ATP13A4: variants seen among roughly 807,000 people sequenced by gnomAD.
ATP13A4 encodes probable cation-transporting ATPase 13A4.
Under a neutral mutation model 142.5 loss-of-function variants are expected in ATP13A4, and 114 were observed. The observed-to-expected ratio is 0.80, with a 90% CI of 0.69 to 0.93. The LOEUF is 0.93. Ranked by LOEUF, ATP13A4 falls within the 40% of genes least tolerant of loss-of-function variation. The pLI is 0.00. For missense variants in ATP13A4, 1,392 were observed against 1,454.0 expected (o/e 0.96, Z 0.69); for synonymous variants, 488 against 514.8 (o/e 0.95, Z 0.70).
At chr3:193,488,502 T>C (rs1265415173) in intron 7 of ATP13A4, among the ~76,000 whole-genome samples, 2 of 152,200 alleles carry the variant, frequency 1.3e-5, no homozygotes, top group African/African-American at 4.8e-5. Flanking sequence ...ATCATAGCCA[T>C]ATATTGCCCT....
In ATP13A4 at chr3:193,573,292, CAT is replaced by C. The variant is rs1318036721; in HGVS notation, n.291+8413_291+8414del. On this transcript the variant is annotated intron_variant and non_coding_transcript_variant, in intron 2 of 3. Transcript: ENST00000489140. ...ATATATATACATATATATATATACA[CAT>C]ATATATATATATACATATATATATA... 2.1e-3 allele frequency among the ~76,000 whole-genome samples: 223 copies of C among 107,838 alleles called. 11 individuals are homozygous for C. Among genetic ancestry groups the C allele is most frequent in the African/African-American group, 6.5e-3 (141 of 21,742 alleles). 70.7% of individuals were successfully genotyped at this position (107,838 alleles called of 152,430 possible).
At chr3:193,530,849 G>A (rs1360076865) in intron 1 of ATP13A4, among the ~76,000 whole-genome samples, 1 of 152,062 alleles carries the variant, frequency 6.6e-6, no homozygotes, top group East Asian at 1.9e-4. Context: ...AGCACATAAA[G>A]TTCTTCCTAA....
intron 1 of ATP13A4, among the ~76,000 whole-genome samples, chr3:193,536,642 G>C (rs1425163496): frequency 6.6e-6 from 1 of 151,866 alleles, no homozygotes; most frequent in Non-Finnish European, 1.5e-5. Flanking sequence ...TTTGTAACTA[G>C]ATAAGAAAAG....
intron 8 of ATP13A4, among the ~76,000 whole-genome samples, chr3:193,481,799 T>C (rs1335366041): frequency 4.6e-5 from 7 of 152,188 alleles, no homozygotes; most frequent in Non-Finnish European, 1.5e-5. Flanking sequence ...TGACCATTGT[T>C]TATGTTATTG....
intron 9 of ATP13A4, among the ~76,000 whole-genome samples, chr3:193,469,151 C>T (rs1718471592): frequency 6.6e-6 from 1 of 152,150 alleles, no homozygotes; most frequent in African/African-American, 2.4e-5. Context: ...TAGCCATGAG[C>T]AGCACCAACA....
intron 11 of ATP13A4, among the ~76,000 whole-genome samples, chr3:193,465,616 T>C (rs1018454716): frequency 6.6e-6 from 1 of 152,224 alleles, no homozygotes; most frequent in African/African-American, 2.4e-5. Flanking sequence ...GTGATTTATA[T>C]TGTTACCAGC....
In ATP13A4 at chr3:193,414,561, C is replaced by T; in HGVS notation, c.3014+18G>A. 1 of 1,612,584 alleles carries T rather than the reference C, an allele frequency of 6.2e-7. No homozygotes were observed. On this transcript the variant is annotated intron_variant, in intron 26 of 29. Coordinates refer to ENST00000342695, the MANE Select transcript of ATP13A4 (RefSeq NM_032279.4). ...GAAATTAGAATGTGAGAAGCAGAAG[C>T]TGAGACTATACTCATACCTGTGTAT...
intron 24 of ATP13A4, among the ~76,000 whole-genome samples, chr3:193,435,088 C>T (rs1716188834): frequency 6.6e-6 from 1 of 152,120 alleles, no homozygotes; most frequent in African/African-American, 2.4e-5. Context: ...TATCTCTGCC[C>T]TTAAGGTTAT....
chr3:193,495,270 A>C (rs1720161661), intron 3 of ATP13A4, among the ~76,000 whole-genome samples: 1 of 152,100 alleles, frequency 6.6e-6, no homozygotes. Context: ...TCACCCTGAT[A>C]ACAAAACTAG....
chr3:193,430,916 C>G (rs573487379), intron 25 of ATP13A4, among the ~76,000 whole-genome samples: 2 of 152,152 alleles, frequency 1.3e-5, no homozygotes, highest in South Asian at 2.1e-4. Flanking sequence ...AGGGCAGCAA[C>G]AGTGGAAGCA....
At chr3:193,426,874 T>C (rs1715694579) in intron 25 of ATP13A4, among the ~76,000 whole-genome samples, 1 of 151,626 alleles carries the variant, frequency 6.6e-6, no homozygotes, top group East Asian at 1.9e-4. Context: ...AATGTAAGAG[T>C]TAACAACATA....
Position 193,457,021 on chromosome 3 carries a change from T to G in ATP13A4, c.1894A>C (p.Ser632Arg). Residue 632 changes from serine to arginine, a missense_variant, in exon 16 of 30, where the codon AGC becomes CGC. By Grantham distance (110) the Ser-to-Arg change is moderately radical (BLOSUM62 -1). Coordinates refer to ENST00000342695, the MANE Select transcript of ATP13A4 (RefSeq NM_032279.4). Reference sequence around the variant, plus strand: ...AGACCTGTCTCAGGTTGGCAAAAGCTGGCCACCCTCTCTGGTGCACCTTTC... The same window carrying G: ...AGACCTGTCTCAGGTTGGCAAAAGCGGGCCACCCTCTCTGGTGCACCTTTC... ...FMKGAPERVA[S>R]FCQPETVPTS... 6.2e-7 allele frequency: 1 copy of G among 1,613,930 alleles called. No homozygotes were observed. Among genetic ancestry groups the G allele is most frequent in the Non-Finnish European group, 8.5e-7 (1 of 1,179,944 alleles).
chr3:193,587,608 A>G (rs190150426), intron 1 of ATP13A4, among the ~76,000 whole-genome samples: 145 of 152,240 alleles, frequency 9.5e-4, no homozygotes, highest in African/African-American at 3.1e-3. Context: ...TAGAAACACA[A>G]TTTGCTTACA....
intron 17 of ATP13A4, 84 bp downstream of exon 17, chr3:193,454,017 A>C: frequency 1.7e-6 from 2 of 1,187,938 alleles, no homozygotes; most frequent in Admixed American, 1.8e-5. Context: ...CCCTAAGTCC[A>C]TCCCAGTCTA....
chr3:193,568,786 A>G (rs1190688738), intron 2 of ATP13A4, among the ~76,000 whole-genome samples: 1 of 152,232 alleles, frequency 6.6e-6, no homozygotes, highest in Non-Finnish European at 1.5e-5. Flanking sequence ...TCAAATGGGT[A>G]CAAGAGAAAC....
chr3:193,479,144 A>C (rs1339687744), intron 8 of ATP13A4, among the ~76,000 whole-genome samples: 1 of 152,226 alleles, frequency 6.6e-6, no homozygotes, highest in East Asian at 1.9e-4. Context: ...ACCTATGACA[A>C]ATCCACAGCT....
chr3:193,405,024 G>T (rs904926678), intron 29 of ATP13A4, among the ~76,000 whole-genome samples: 1 of 152,154 alleles, frequency 6.6e-6, no homozygotes, highest in Non-Finnish European at 1.5e-5. Flanking sequence ...ATGAGCACTG[G>T]CATAGTAAGG....
At chr3:193,453,209 T>C (rs35022859) in intron 17 of ATP13A4, among the ~76,000 whole-genome samples, 1,862 of 152,326 alleles carry the variant, frequency 0.012, 44 homozygotes, top group African/African-American at 0.043. Flanking sequence ...TACTATATAA[T>C]GGGTTATTAT....
Position 193,441,602 on chromosome 3 carries a change from CA to C in ATP13A4, c.2317-15del. On this transcript the variant is annotated splice_polypyrimidine_tract_variant and intron_variant, in intron 19 of 29. Coordinates refer to ENST00000342695, the MANE Select transcript of ATP13A4 (RefSeq NM_032279.4). ...AATGTAATTGTCCTACAAAGCAAGA[CA>C]CAGTTATTTTAGACTCTTTCATTTG... 2.5e-6 allele frequency: 4 copies of C among 1,612,476 alleles called. No individual in the cohort carries two copies. Among genetic ancestry groups the C allele is most frequent in the Non-Finnish European group, 3.4e-6 (4 of 1,178,896 alleles).
Sources: allele counts gnomAD v4.1 joint callset (sites outside exome capture counted in the v4.1 genomes callset), GRCh38; gene constraint gnomAD v4.1.1; transcripts MANE v1.5; gene names NCBI Gene and HGNC (gene_info 2026-07-23, HGNC 2026-07-21).